Variants in PCDHA7 observed in about 807,000 individuals in gnomAD.
PCDHA7 encodes protocadherin alpha 7.
In PCDHA7, 37 loss-of-function variants were observed where a neutral mutation model predicts 57.2. The ratio of observed to expected loss-of-function variants is 0.65; its 90% CI spans 0.50 to 0.85. The LOEUF (loss-of-function observed/expected upper bound fraction) is 0.85. Ranked by LOEUF, PCDHA7 falls within the 40% of genes least tolerant of loss-of-function variation. The pLI is 0.00. For missense variants in PCDHA7, 1,188 were observed against 1,241.8 expected, an observed-to-expected ratio of 0.96 and a Z score of 0.65; for synonymous variants, 553 against 558.8, an observed-to-expected ratio of 0.99 and a Z score of 0.15.
intron 1 of PCDHA7, among the ~76,000 whole-genome samples, chr5:140,941,214 C>CTTTTT (rs1554214039): frequency 1.2e-4 from 15 of 122,492 alleles, no homozygotes; most frequent in African/African-American, 4.3e-4. Context: ...TTTCTTTCTT[C>CTTTTT]CTTTCTTTCT....
chr5:140,876,784 A>T (rs1336979041), intron 1 of PCDHA7: 1 of 1,614,094 alleles, frequency 6.2e-7, no homozygotes, highest in Non-Finnish European at 8.5e-7. Flanking sequence ...GCTGTGGGCC[A>T]CGGCTAGAGT....
intron 1 of PCDHA7, among the ~76,000 whole-genome samples, chr5:140,936,248 G>A (rs2090860399): frequency 6.6e-6 from 1 of 152,086 alleles, no homozygotes; most frequent in Admixed American, 6.5e-5. Context: ...AACATATCCT[G>A]CTTCAAGTCA....
intron 1 of PCDHA7, chr5:140,866,095 A>G (rs1475761817): frequency 6.6e-6 from 1 of 152,152 alleles, no homozygotes; most frequent in East Asian, 1.9e-4. Flanking sequence ...TGTAATTGTT[A>G]AGTAATTAAG....
Position 140,968,634 on chromosome 5 carries a change from A to G in PCDHA7, c.2356-10315A>G, listed in dbSNP as rs782166097. ...GGGCAAAATGCTTGGCTTTTTTACC[A>G]TCTAGCCCAGACTTCTGACCTGGAC... On this transcript the variant is annotated intron_variant, in intron 1 of 3. Coordinates refer to ENST00000525929, the MANE Select transcript of PCDHA7 (RefSeq NM_018910.3). 14 of 1,614,176 alleles carry G rather than the reference A, an allele frequency of 8.7e-6. 1 individual carries two copies. The South Asian group carries it at 1.3e-4, about 15-fold the overall frequency.
At chr5:140,884,128 C>A (rs1554181251) in intron 1 of PCDHA7, 1 of 1,613,308 alleles carries the variant, frequency 6.2e-7, no homozygotes, top group Non-Finnish European at 8.5e-7. Flanking sequence ...GCGCGCGCAT[C>A]CCGTTCCGCG....
chr5:140,931,716 T>G (rs1205500293), intron 1 of PCDHA7, among the ~76,000 whole-genome samples: 5 of 151,962 alleles, frequency 3.3e-5, no homozygotes, highest in Admixed American at 3.3e-4. Context: ...TAAAATAACT[T>G]CTATAAATAT....
intron 1 of PCDHA7, chr5:140,867,695 C>T (rs1283173997): frequency 6.6e-6 from 1 of 151,790 alleles, no homozygotes; most frequent in African/African-American, 2.4e-5. Context: ...TCTTTTTTTC[C>T]TCCTAAATCC....
rs556593659 is a variant in PCDHA7, at chr5:140,966,652, G to A, written c.2356-12297G>A. ...CCCAGGCGCTTTCTAGAGCGTGAGC[G>A]GTGGGGGAGCAGGCGCAGGGTGGCA... On this transcript the variant is annotated intron_variant, in intron 1 of 3. Coordinates refer to ENST00000525929, the MANE Select transcript of PCDHA7 (RefSeq NM_018910.3). 1.0e-5 allele frequency: 12 copies of A among 1,169,200 alleles called. No homozygotes were observed. In the Admixed American group the frequency reaches 2.0e-4, roughly 19 times the overall value. The allele number at this position is 1,169,200 out of a possible 1,614,324, so 72.4% of individuals were successfully genotyped here.
intron 1 of PCDHA7, chr5:140,968,417 G>T (rs1459159857): frequency 3.7e-6 from 6 of 1,614,036 alleles, no homozygotes; most frequent in Non-Finnish European, 5.1e-6. Flanking sequence ...GACTGTGGAG[G>T]CTCAGGACAA....
chr5:140,967,018 G>T, intron 1 of PCDHA7: 1 of 1,607,168 alleles, frequency 6.2e-7, no homozygotes, highest in Non-Finnish European at 8.5e-7. Context: ...ATCTGGGTGC[G>T]CCCAGTCCGC....
intron 1 of PCDHA7, chr5:140,857,039 G>A: frequency 6.3e-7 from 1 of 1,595,752 alleles, no homozygotes; most frequent in Non-Finnish European, 8.6e-7. Context: ...ACCTATGGTT[G>A]GTCACTGCAC....
chr5:140,895,892 A>T (rs1554186717), intron 1 of PCDHA7, among the ~76,000 whole-genome samples: 1 of 152,080 alleles, frequency 6.6e-6, no homozygotes, highest in Non-Finnish European at 1.5e-5. Flanking sequence ...GCTCACTGCA[A>T]CCTCCGCGTC....
At chr5:140,952,338 CAA>C (rs55931446) in intron 1 of PCDHA7, among the ~76,000 whole-genome samples, 119 of 135,000 alleles carry the variant, frequency 8.8e-4, no homozygotes, top group Admixed American at 1.8e-3. Flanking sequence ...AACTCCATCT[CAA>C]AAAAAAAAAA....
chr5:140,853,171 G>A lies in PCDHA7; in HGVS notation c.2355+16433G>A, dbSNP rs2150529478. On this transcript the variant is annotated intron_variant, in intron 1 of 3. Coordinates refer to ENST00000525929, the MANE Select transcript of PCDHA7 (RefSeq NM_018910.3). ...TGGGATTACAGGCGTGAGCCACCGC[G>A]CCTGGCCTAAAATGTGTTCTTTATT... 22 of 965,136 alleles carry A rather than the reference G, an allele frequency of 2.3e-5. 1 individual carries two copies. Among genetic ancestry groups the A allele is most frequent in the Non-Finnish European group, 2.4e-5 (19 of 799,766 alleles). 59.8% of individuals were successfully genotyped at this position (965,136 alleles called of 1,614,324 possible).
chr5:140,843,637 C>T (rs1289295729), intron 1 of PCDHA7: 2 of 1,595,812 alleles, frequency 1.3e-6, no homozygotes, highest in East Asian at 2.2e-5. Flanking sequence ...TCATGGCCTT[C>T]AGCCCCTGCC....
chr5:140,995,284 G>A (rs1439846116), intron 3 of PCDHA7, among the ~76,000 whole-genome samples: 2 of 152,112 alleles, frequency 1.3e-5, no homozygotes, highest in African/African-American at 4.8e-5. Flanking sequence ...TACCAAAACA[G>A]CCAGTCGGAT....
At chr5:140,924,762 G>A (rs1554202136) in intron 1 of PCDHA7, among the ~76,000 whole-genome samples, 1 of 151,856 alleles carries the variant, frequency 6.6e-6, no homozygotes, top group Non-Finnish European at 1.5e-5. Context: ...GAGCATGGTG[G>A]TGCGCGCTTG....
Position 140,835,978 on chromosome 5 carries a change from A to C in PCDHA7, c.1595A>C (p.Gln532Pro). The change falls in exon 1 of 4, where the codon CAG (glutamine) becomes CCG (proline). Residue 532 changes from glutamine to proline, a missense_variant. Around this residue, in one of 3 missense-constraint regions of PCDHA7, gnomAD observed 892 missense variants for 788.5 expected, o/e 1.13. Transcript: ENST00000525929. Reference sequence around the variant, plus strand: ...GACCACGAGGAGCTGGAGCTGTTGCAGTTCCAGGTGAGCGCGCGCGATGCG... The same window carrying C: ...GACCACGAGGAGCTGGAGCTGTTGCCGTTCCAGGTGAGCGCGCGCGATGCG... ...PLDHEELELL[Q>P]FQVSARDAGV... 1 of 1,613,378 alleles carries C rather than the reference A, an allele frequency of 6.2e-7. No homozygotes were observed. The highest frequency in any genetic ancestry group is 8.5e-7 in the Non-Finnish European group (1 of 1,179,702).
At chr5:140,955,654 AT>A (rs1264049969) in intron 1 of PCDHA7, among the ~76,000 whole-genome samples, 1 of 152,208 alleles carries the variant, frequency 6.6e-6, no homozygotes, top group Non-Finnish European at 1.5e-5. Flanking sequence ...TAATACACAT[AT>A]GAATTTTAAC....
Sources: allele counts gnomAD v4.1 joint callset (sites outside exome capture counted in the v4.1 genomes callset), GRCh38; gene constraint gnomAD v4.1.1; regional missense constraint gnomAD v4.1.1; transcripts MANE v1.5; gene names NCBI Gene and HGNC (gene_info 2026-07-23, HGNC 2026-07-21).